Variants in LPIN2 observed in about 807,000 individuals in gnomAD.
LPIN2 encodes lipin 2.
LPIN2 carries 55 observed loss-of-function variants against 111.4 expected under a neutral mutation model. That is an observed-to-expected ratio of 0.49 (90% CI 0.40 to 0.62). LPIN2 has a LOEUF of 0.62. Ranked by LOEUF, LPIN2 falls within the 20% of genes least tolerant of loss-of-function variation. LPIN2 has a pLI of 0.00. For synonymous variants in LPIN2, 425 were observed against 414.0 expected (o/e 1.03, Z -0.32); for missense variants, 992 against 1,112.1 (o/e 0.89, Z 1.54).
In LPIN2 at chr18:2,920,115, G is replaced by A. The variant is rs1007347228; in HGVS notation, c.*178C>T. 6 of 766,920 alleles carry A rather than the reference G, an allele frequency of 7.8e-6. No homozygotes were observed. Among genetic ancestry groups the A allele is most frequent in the African/African-American group, 1.7e-5 (1 of 58,322 alleles). The allele number at this position is 766,920 out of a possible 1,614,324, so 47.5% of individuals were successfully genotyped here. A position where few individuals can be genotyped will look rare whatever the true frequency, so the allele number is the denominator to read the frequency against. On this transcript the variant is annotated 3_prime_UTR_variant, in exon 20 of 20. Transcript: ENST00000677752. ...CCCTTCTCCTTCCAGGAGCTGAGCT[G>A]CAGACCTGCCGAGCCTGAGCAGCTG... is the stretch of plus-strand genomic sequence containing the variant.
intron 11 of LPIN2, 89 bp from the exon 12 acceptor site, chr18:2,927,900 T>A: frequency 9.3e-7 from 1 of 1,077,514 alleles, no homozygotes. Flanking sequence ...GGGGCCTTAC[T>A]ATGGAATGTG....
chr18:2,943,200 T>TTTTG (rs150542718), intron 4 of LPIN2, among the ~76,000 whole-genome samples: 43 of 148,122 alleles, frequency 2.9e-4, no homozygotes, highest in African/African-American at 6.9e-4. Flanking sequence ...CTCAGTTTTT[T>TTTTG]TTCTGTTTTG....
intron 1 of LPIN2, among the ~76,000 whole-genome samples, chr18:3,005,908 G>A (rs763751021): frequency 3.3e-5 from 5 of 152,072 alleles, no homozygotes; most frequent in Admixed American, 6.5e-5. Flanking sequence ...AAAACAAAAC[G>A]CTAAAATTGA....
rs1407966324 is a variant in LPIN2 at position 2,951,101 on chromosome 18, C to G, written c.544G>C (p.Asp182His). ...AASAAAEDTC[D>H]VGVSSDDDKG... Reference sequence around the variant, plus strand: ...TCATCATCGGAGCTCACGCCTACATCACATGTGTCTTCTGCAGCAGCAGAT... The same window carrying G: ...TCATCATCGGAGCTCACGCCTACATGACATGTGTCTTCTGCAGCAGCAGAT... The change falls in exon 4 of 20, where the codon GAT becomes CAT. Residue 182 changes from aspartate to histidine, a missense_variant. This residue lies in a region of LPIN2 where 709 missense variants were observed against 753.2 expected (regional missense o/e 0.94). Transcript: ENST00000677752. 6.2e-7 allele frequency: 1 copy of G among 1,614,198 alleles called. No individual in the cohort carries two copies. Among genetic ancestry groups the G allele is most frequent in the Non-Finnish European group, 8.5e-7 (1 of 1,180,040 alleles).
At chr18:2,921,481 C>T (rs2077053268) in intron 18 of LPIN2, 52 bp downstream of exon 18, 2 of 1,356,988 alleles carry the variant, frequency 1.5e-6, no homozygotes, top group African/African-American at 1.4e-5. Context: ...CCACGAAGTA[C>T]ATCCCTCTGA....
At chr18:2,930,281 T>G (rs2077195551) in intron 9 of LPIN2, among the ~76,000 whole-genome samples, 1 of 152,280 alleles carries the variant, frequency 6.6e-6, no homozygotes, top group Non-Finnish European at 1.5e-5. Context: ...CCCTCGCATA[T>G]AATTTTTTAA....
At chr18:2,949,491 G>A (rs1364518221) in intron 4 of LPIN2, among the ~76,000 whole-genome samples, 1 of 152,042 alleles carries the variant, frequency 6.6e-6, no homozygotes, top group Non-Finnish European at 1.5e-5. Flanking sequence ...AGTTCTATTG[G>A]AGAAATTCTG....
At chr18:2,955,784 G>A (rs920399536) in intron 2 of LPIN2, among the ~76,000 whole-genome samples, 3 of 152,068 alleles carry the variant, frequency 2.0e-5, no homozygotes, top group South Asian at 4.1e-4. Flanking sequence ...GCATGGTGGC[G>A]CCCGCCTGTA....
chr18:2,954,978 GTATGT>G lies in LPIN2; in HGVS notation c.193-384_193-380del, dbSNP rs1241477680. 1.4e-4 allele frequency among the ~76,000 whole-genome samples: 21 copies of G among 152,294 alleles called. No individual in the cohort carries two copies. The East Asian group carries it at 3.9e-3, about 28-fold the overall frequency. On this transcript the variant is annotated intron_variant, in intron 2 of 19. Coordinates refer to ENST00000677752, the MANE Select transcript of LPIN2 (RefSeq NM_001375808.2). ...ATACACACAAGTTTCAGGAACCTCA[GTATGT>G]GAGCTGTGAGCAACTGCATCAAGTA... is the stretch of plus-strand genomic sequence containing the variant.
chr18:2,921,042 TA>T (rs2077046261), intron 18 of LPIN2, 161 bp from the exon 19 acceptor site: 2 of 688,012 alleles, frequency 2.9e-6, no homozygotes, highest in Admixed American at 4.1e-5. Flanking sequence ...TAGACAAACC[TA>T]AACTACAGAG....
chr18:2,940,465 A>G (rs188570433), intron 5 of LPIN2, 140 bp downstream of exon 5: 2 of 616,416 alleles, frequency 3.2e-6, no homozygotes, highest in Non-Finnish European at 5.7e-6. Context: ...GAAAAGATTC[A>G]TATTTATGTT....
intron 1 of LPIN2, among the ~76,000 whole-genome samples, chr18:2,977,740 T>C (rs184406042): frequency 2.6e-5 from 4 of 152,082 alleles, no homozygotes; most frequent in Admixed American, 2.0e-4. Context: ...TCCTCACTGA[T>C]AGAATAAATT....
chr18:2,962,726 A>G (rs2077732147), intron 1 of LPIN2, among the ~76,000 whole-genome samples: 1 of 152,234 alleles, frequency 6.6e-6, no homozygotes, highest in Non-Finnish European at 1.5e-5. Context: ...TTTTACCTAC[A>G]TGGCACACAC....
At chr18:2,989,776 G>A (rs917432329) in intron 1 of LPIN2, among the ~76,000 whole-genome samples, 1 of 151,964 alleles carries the variant, frequency 6.6e-6, no homozygotes, top group Non-Finnish European at 1.5e-5. Flanking sequence ...CAGAAATTAG[G>A]CAGGTGTGTG....
intron 1 of LPIN2, among the ~76,000 whole-genome samples, chr18:3,012,705 C>T (rs1054922160): frequency 4.6e-5 from 7 of 152,160 alleles, no homozygotes; most frequent in Middle Eastern, 3.2e-3. Flanking sequence ...CCTCCGCGCC[C>T]CAAACCCAGG....
chr18:2,926,595 T>A (rs1234640858), intron 13 of LPIN2, 128 bp downstream of exon 13: 1 of 760,378 alleles, frequency 1.3e-6, no homozygotes, highest in Non-Finnish European at 2.2e-6. Flanking sequence ...GGCACAAATA[T>A]ATCACAGCAT....
chr18:2,924,652 G>A (rs900958098), intron 14 of LPIN2, 106 bp from the exon 15 acceptor site: 7 of 1,223,250 alleles, frequency 5.7e-6, no homozygotes, highest in Non-Finnish European at 4.7e-6. Context: ...CAAGAGGCAG[G>A]ATGGTTTCCG....
intron 1 of LPIN2, among the ~76,000 whole-genome samples, chr18:2,968,721 A>G (rs372592737): frequency 6.6e-6 from 1 of 152,168 alleles, no homozygotes; most frequent in East Asian, 1.9e-4. Flanking sequence ...CTTATGGGAA[A>G]GTGTGCTAAG....
At chr18:2,977,707 T>C (rs1370532911) in intron 1 of LPIN2, among the ~76,000 whole-genome samples, 1 of 152,200 alleles carries the variant, frequency 6.6e-6, no homozygotes, top group African/African-American at 2.4e-5. Context: ...AGATTACAAT[T>C]AGCTGAATAA....
Sources: allele counts gnomAD v4.1 joint callset (sites outside exome capture counted in the v4.1 genomes callset), GRCh38; gene constraint gnomAD v4.1.1; regional missense constraint gnomAD v4.1.1; transcripts MANE v1.5; gene names NCBI Gene and HGNC (gene_info 2026-07-23, HGNC 2026-07-21).